Variants in RBFOX1 observed in about 807,000 individuals in gnomAD.
RBFOX1 encodes the protein RNA binding fox-1 homolog 1, also known as RNA binding protein fox-1 homolog 1.
RBFOX1 carries 8 observed loss-of-function variants against 57.7 expected under a neutral mutation model. The observed-to-expected ratio is 0.14, with a 90% confidence interval of 0.08 to 0.25. The LOEUF (loss-of-function observed/expected upper bound fraction) is 0.25, where lower values mean the gene tolerates loss of function less well. RBFOX1 is among the 10% of genes least tolerant of loss of function. The pLI, the probability that RBFOX1 is intolerant of heterozygous loss-of-function variation, is 1.00. For missense variants in RBFOX1, 611 were observed against 548.5 expected (o/e 1.11, Z -1.14); for synonymous variants, 326 against 222.4 (o/e 1.47, Z -4.15).
chr16:6,544,860 G>T (rs556855160), intron 2 of RBFOX1, among the ~76,000 whole-genome samples: 1 of 152,360 alleles, frequency 6.6e-6, no homozygotes, highest in Non-Finnish European at 1.5e-5. Context: ...CTTGATCCAA[G>T]TTGGAATCCG....
chr16:7,635,878 C>T (rs767314346), intron 11 of RBFOX1, among the ~76,000 whole-genome samples: 70 of 151,968 alleles, frequency 4.6e-4, no homozygotes, highest in Non-Finnish European at 8.2e-4. Context: ...TAGCGCAGTC[C>T]CGGCTCACTG....
intron 4 of RBFOX1, among the ~76,000 whole-genome samples, chr16:7,204,483 A>T (rs1277467974): frequency 6.6e-6 from 1 of 152,118 alleles, no homozygotes; most frequent in Non-Finnish European, 1.5e-5. Context: ...CTCTATAAAA[A>T]TTATAATAGT....
intron 11 of RBFOX1, among the ~76,000 whole-genome samples, chr16:7,649,494 C>G (rs1051683193): frequency 2.2e-4 from 34 of 152,172 alleles, no homozygotes; most frequent in Admixed American, 2.0e-4. Context: ...CTCATTTTTC[C>G]TAGCCTTCAC....
At chr16:7,257,799 T>G (rs528380304) in intron 4 of RBFOX1, among the ~76,000 whole-genome samples, 1 of 152,356 alleles carries the variant, frequency 6.6e-6, no homozygotes, top group South Asian at 2.1e-4. Flanking sequence ...CTGCAAGAGC[T>G]ATCATCGTTG....
intron 3 of RBFOX1, among the ~76,000 whole-genome samples, chr16:6,793,127 A>G (rs1201580621): frequency 6.6e-6 from 1 of 152,094 alleles, no homozygotes; most frequent in Non-Finnish European, 1.5e-5. Context: ...GCCTGCTGTC[A>G]CCAGATTTGG....
chr16:7,166,304 G>A (rs371999183), intron 4 of RBFOX1, among the ~76,000 whole-genome samples: 1 of 152,048 alleles, frequency 6.6e-6, no homozygotes, highest in South Asian at 2.1e-4. Flanking sequence ...GTGAACCACC[G>A]CACCCGGCCG....
intron 2 of RBFOX1, among the ~76,000 whole-genome samples, chr16:6,403,800 A>C (rs540474803): frequency 6.6e-6 from 1 of 152,286 alleles, no homozygotes; most frequent in East Asian, 1.9e-4. Context: ...CATGTATGGA[A>C]ACCCTACCCC....
intron 4 of RBFOX1, among the ~76,000 whole-genome samples, chr16:7,161,436 T>A (rs906744003): frequency 4.6e-5 from 7 of 152,222 alleles, no homozygotes; most frequent in African/African-American, 1.7e-4. Context: ...TACCTAAGTG[T>A]GAGGCACTTG....
chr16:5,345,444 G>A (rs940460440), intron 1 of RBFOX1, among the ~76,000 whole-genome samples: 2 of 152,204 alleles, frequency 1.3e-5, no homozygotes, highest in Non-Finnish European at 2.9e-5. Context: ...TGGCCAGGGA[G>A]ATCAGCCGCT....
chr16:7,191,020 C>T (rs1403636116), intron 4 of RBFOX1, among the ~76,000 whole-genome samples: 1 of 152,032 alleles, frequency 6.6e-6, no homozygotes, highest in Non-Finnish European at 1.5e-5. Context: ...CCCACCCCCA[C>T]ATAGTGTCTA....
chr16:6,109,378 G>C (rs2096418000), intron 1 of RBFOX1, among the ~76,000 whole-genome samples: 3 of 152,120 alleles, frequency 2.0e-5, no homozygotes, highest in Admixed American at 6.5e-5. Context: ...TTCCATATTG[G>C]AAAGACATGG....
chr16:6,644,750 G>C (rs1421603129), intron 2 of RBFOX1, among the ~76,000 whole-genome samples: 1 of 152,120 alleles, frequency 6.6e-6, no homozygotes, highest in Non-Finnish European at 1.5e-5. Flanking sequence ...CTGGGCCCTG[G>C]AGCACAGCAG....
intron 4 of RBFOX1, among the ~76,000 whole-genome samples, chr16:7,165,255 A>G (rs536400197): frequency 1.1e-4 from 16 of 152,102 alleles, no homozygotes; most frequent in South Asian, 4.2e-4. Flanking sequence ...CATTGCTCCA[A>G]GATGCCTAAG....
intron 1 of RBFOX1, among the ~76,000 whole-genome samples, chr16:6,256,418 A>G (rs1429137581): frequency 6.6e-6 from 1 of 150,464 alleles, no homozygotes; most frequent in Non-Finnish European, 1.5e-5. Context: ...GTCACCTGGA[A>G]CCCCTGACCC....
intron 4 of RBFOX1, among the ~76,000 whole-genome samples, chr16:7,249,228 G>T (rs983819233): frequency 2.6e-5 from 4 of 152,272 alleles, no homozygotes; most frequent in Non-Finnish European, 4.4e-5. Flanking sequence ...GGGTGGGTTT[G>T]TTTCCATTCC....
chr16:5,703,233 G>A (rs927686859), intron 3 of RBFOX1, among the ~76,000 whole-genome samples: 2 of 152,182 alleles, frequency 1.3e-5, no homozygotes, highest in Non-Finnish European at 2.9e-5. Flanking sequence ...ATAACACAGG[G>A]GCATGGAGCT....
intron 2 of RBFOX1, among the ~76,000 whole-genome samples, chr16:5,551,657 G>A (rs1006015411): frequency 1.8e-4 from 28 of 151,930 alleles, no homozygotes; most frequent in Non-Finnish European, 3.2e-4. Context: ...TTAACCTTAC[G>A]TTCTGGGATA....
intron 2 of RBFOX1, among the ~76,000 whole-genome samples, chr16:5,476,894 C>T (rs550215073): frequency 6.6e-6 from 1 of 152,188 alleles, no homozygotes; most frequent in Non-Finnish European, 1.5e-5. Flanking sequence ...CCCAGTTATT[C>T]AAATAAAAAT....
At chr16:5,471,582 C>G (rs185325447) in intron 2 of RBFOX1, among the ~76,000 whole-genome samples, 54 of 152,216 alleles carry the variant, frequency 3.5e-4, no homozygotes, top group African/African-American at 1.2e-3. Context: ...CCCGGAGAAC[C>G]CTCTGTCTCT....
Sources: gnomAD v4.1 joint callset for allele counts (sites outside exome capture counted in the v4.1 genomes callset) on GRCh38, gnomAD v4.1.1 for gene constraint, MANE v1.5 for transcripts, NCBI Gene and HGNC (gene_info 2026-07-23, HGNC 2026-07-21) for gene names.